Variants in UMODL1 observed in about 807,000 individuals in gnomAD.
The protein encoded by UMODL1 is uromodulin like 1.
In UMODL1, 128 loss-of-function variants were observed where a neutral mutation model predicts 136.3. The observed-to-expected ratio is 0.94, with a 90% CI of 0.81 to 1.09. UMODL1 has a LOEUF of 1.09. Among genes scored for constraint, UMODL1 ranks in the 50% least tolerant of loss-of-function variants. The pLI is 0.00. For synonymous variants in UMODL1, 721 were observed against 720.0 expected (o/e 1.00, Z -0.02); for missense variants, 1,766 against 1,725.6 (o/e 1.02, Z -0.41).
In UMODL1 at chr21:42,099,649, G is replaced by A. The variant is rs1047254851; in HGVS notation, c.1186+469G>A. On this transcript the variant is annotated intron_variant, in intron 7 of 22. Coordinates refer to ENST00000408910, the MANE Select transcript of UMODL1 (RefSeq NM_001004416.3). The surrounding 1 kb of genome is among the most constrained non-coding windows in gnomAD (Gnocchi z 4.1). ...GCTTCACTCATGATGCATGTAAAGCGAATGCCATGCCCACCACATTGGTGC... is the reference window on the plus strand; with the variant it reads ...GCTTCACTCATGATGCATGTAAAGCAAATGCCATGCCCACCACATTGGTGC... Among the ~76,000 whole-genome samples, 3 of 152,248 alleles carry A rather than the reference G, an allele frequency of 2.0e-5. No individual in the cohort carries two copies. Among genetic ancestry groups the A allele is most frequent in the South Asian group, 4.1e-4 (2 of 4,824 alleles).
At position 42,090,307 on chromosome 21, in the gene UMODL1, AGT is replaced by A. The variant is rs1170383449; in HGVS notation, c.803_804del (p.Cys268PhefsTer3). 3 of 1,614,024 alleles carry A rather than the reference AGT, an allele frequency of 1.9e-6. No homozygotes were observed. Among genetic ancestry groups the A allele is most frequent in the Non-Finnish European group, 2.5e-6 (3 of 1,180,000 alleles). ...CTCTCCTTCCCTGTAGATGTCAATG[AGT>A]GTTTCTATGAGGAGCTCAATGCCTG... On this transcript the variant is annotated frameshift_variant, in exon 6 of 23. Transcript: ENST00000408910. LOFTEE classifies it high-confidence loss of function.
intron 22 of UMODL1, among the ~76,000 whole-genome samples, chr21:42,139,041 A>G (rs988218669): frequency 2.0e-5 from 3 of 152,120 alleles, no homozygotes; most frequent in Non-Finnish European, 2.9e-5. Flanking sequence ...GGTGGCACAC[A>G]CCTGTGGTCC....
intron 8 of UMODL1, 120 bp from the exon 9 acceptor site, chr21:42,103,748 C>T: frequency 2.5e-6 from 3 of 1,215,194 alleles, no homozygotes; most frequent in Non-Finnish European, 3.6e-6. Flanking sequence ...CGTCAGGTGC[C>T]TCCTCTTGAT....
chr21:42,088,324 A>G lies in UMODL1; in HGVS notation c.634A>G (p.Thr212Ala), dbSNP rs761875164. The G allele has an allele frequency of 2.3e-4, 370 of 1,613,410 alleles. No homozygotes were observed. The highest frequency in any genetic ancestry group is 3.1e-4 in the Non-Finnish European group (362 of 1,179,762). Residue 212 changes from threonine (T) to alanine (A), a missense_variant, in exon 5 of 23, where the codon ACC (threonine) becomes GCC (alanine). Physicochemically the swap from Thr to Ala is moderately conservative, Grantham distance 58. Coordinates refer to ENST00000408910, the MANE Select transcript of UMODL1 (RefSeq NM_001004416.3). ...CAGCGCCCTGCAACCAATGGCCTCC[A>G]CCGTCCACCACCTGCACTCAGCCCC... ...VTSALQPMASTVHHLHSAPGN... is the reference protein window; with the variant it reads ...VTSALQPMASAVHHLHSAPGN...
At chr21:42,094,099 G>T (rs887626553) in intron 6 of UMODL1, 1 of 389,666 alleles carries the variant, frequency 2.6e-6, no homozygotes, top group Non-Finnish European at 5.2e-6. Flanking sequence ...GGTTAGGTTT[G>T]TTGGCAGTCA....
intron 2 of UMODL1, among the ~76,000 whole-genome samples, chr21:42,080,108 C>G (rs187062342): frequency 6.6e-6 from 1 of 152,150 alleles, no homozygotes; most frequent in African/African-American, 2.4e-5. Flanking sequence ...GATTTACACC[C>G]CGGATTTTGG....
rs566078984 is a variant in UMODL1, at chr21:42,119,823, A to G, written c.2689+499A>G. ...TTTTAAAAATTGGAGATTCATATTA[A>G]TTTTTTGATTTTTAGAATAAGAAGG... On this transcript the variant is annotated intron_variant, in intron 15 of 22. Coordinates refer to ENST00000408910, the MANE Select transcript of UMODL1 (RefSeq NM_001004416.3). 3.3e-5 allele frequency among the ~76,000 whole-genome samples: 5 copies of G among 152,358 alleles called. No homozygotes were observed. In the East Asian group the frequency reaches 9.6e-4, roughly 29 times the overall value.
At chr21:42,126,840 G>C (rs1302668081) in intron 18 of UMODL1, among the ~76,000 whole-genome samples, 166 bp from the exon 19 acceptor site, 1 of 152,164 alleles carries the variant, frequency 6.6e-6, no homozygotes, top group Non-Finnish European at 1.5e-5. Context: ...GGACCAGCCA[G>C]CCCTGAATAA....
At chr21:42,071,293 C>T, upstream of UMODL1, 3 of 1,543,794 alleles carry the variant, frequency 1.9e-6, no homozygotes, top group Non-Finnish European at 2.6e-6. Context: ...GCCCAGAGCC[C>T]TGTACTGCCA....
At position 42,083,229 on chromosome 21, in the gene UMODL1, C is replaced by T. The variant is rs560706342; in HGVS notation, c.320-855C>T. ...GTGGACATGTCCGACTTCACATTTG[C>T]ACTGCCACACTCCTGGTCTACACCA... On this transcript the variant is annotated intron_variant, in intron 2 of 22. Transcript: ENST00000408910. 8.3e-4 allele frequency among the ~76,000 whole-genome samples: 126 copies of T among 152,308 alleles called. 1 individual carries two copies. The highest frequency in any genetic ancestry group is 6.8e-3 in the South Asian group (33 of 4,830).
chr21:42,087,080 G>A lies in UMODL1; in HGVS notation c.604-1214G>A, dbSNP rs141518594. 2.8e-3 allele frequency among the ~76,000 whole-genome samples: 428 copies of A among 152,304 alleles called. 3 individuals are homozygous for A. The highest frequency in any genetic ancestry group is 9.7e-3 in the African/African-American group (403 of 41,552). On this transcript the variant is annotated intron_variant, in intron 4 of 22. Transcript: ENST00000408910. The stretch of plus-strand genomic sequence containing the variant: ...AGATGGTTCCTGAGCTTCCTGATGC[G>A]TGTGGGGCCTGAGATGTTGTGGTTG...
chr21:42,096,743 G>A (rs1454005171), intron 6 of UMODL1, among the ~76,000 whole-genome samples: 1 of 152,156 alleles, frequency 6.6e-6, no homozygotes, highest in Non-Finnish European at 1.5e-5. Context: ...GCGCCTGCTC[G>A]TGGCCGCCCC....
At chr21:42,082,509 A>G (rs1255429604) in intron 2 of UMODL1, among the ~76,000 whole-genome samples, 1 of 152,198 alleles carries the variant, frequency 6.6e-6, no homozygotes, top group East Asian at 1.9e-4. Flanking sequence ...GACAGCTCTG[A>G]GTAAAGCCCC....
intron 19 of UMODL1, 120 bp downstream of exon 19, chr21:42,127,362 G>C: frequency 2.0e-6 from 2 of 1,008,562 alleles, no homozygotes; most frequent in South Asian, 1.5e-5. Flanking sequence ...ATTAACAATA[G>C]GTAGGGCTCA....
intron 19 of UMODL1, 28 bp downstream of exon 19, chr21:42,127,270 A>T: frequency 6.3e-7 from 1 of 1,582,314 alleles, no homozygotes; most frequent in Non-Finnish European, 8.7e-7. Context: ...AGGCACCCCC[A>T]TCCAGCAATG....
At chr21:42,133,973 A>G (rs1297183596) in intron 21 of UMODL1, among the ~76,000 whole-genome samples, 1 of 152,188 alleles carries the variant, frequency 6.6e-6, no homozygotes, top group Non-Finnish European at 1.5e-5. Flanking sequence ...GCTGGAGTGC[A>G]GTGGCATGAT....
intron 22 of UMODL1, among the ~76,000 whole-genome samples, chr21:42,138,400 T>G (rs948612632): frequency 6.6e-6 from 1 of 152,094 alleles, no homozygotes; most frequent in Non-Finnish European, 1.5e-5. Flanking sequence ...CAGCCCCGAC[T>G]TATGTATGAC....
chr21:42,137,737 G>T, intron 22 of UMODL1, 96 bp downstream of exon 22: 2 of 1,079,276 alleles, frequency 1.9e-6, no homozygotes, highest in South Asian at 1.5e-5. Context: ...GGTGCGGAGT[G>T]GGGTGGGAGG....
upstream of UMODL1, among the ~76,000 whole-genome samples, chr21:42,068,770 A>G (rs749886811): frequency 6.6e-6 from 1 of 152,114 alleles, no homozygotes; most frequent in Non-Finnish European, 1.5e-5. This position sits in a 1 kb window ranked among gnomAD's most constrained non-coding sequence, Gnocchi z 5.5. Flanking sequence ...GTGTGTCAGT[A>G]TGTGTGTGGA....
Sources: gnomAD v4.1 joint callset for allele counts (sites outside exome capture counted in the v4.1 genomes callset) on GRCh38, gnomAD v4.1.1 for gene constraint, Gnocchi (gnomAD v3.1) non-coding constraint, MANE v1.5 for transcripts, NCBI Gene and HGNC (gene_info 2026-07-23, HGNC 2026-07-21) for gene names.